The following SLC39A11 variants were observed in gnomAD, a reference collection of about 807,000 sequenced individuals.
The protein encoded by SLC39A11 is zinc transporter ZIP11.
SLC39A11 carries 33 observed loss-of-function variants against 36.1 expected under a neutral mutation model. That is an observed-to-expected ratio of 0.91 (90% CI 0.69 to 1.22). SLC39A11 has a LOEUF of 1.22. Among genes scored for constraint, SLC39A11 ranks in the 50% most tolerant of loss-of-function variants. The probability of loss-of-function intolerance (pLI) is 0.00; values close to 1 mark genes in which losing one functional copy is unlikely to be tolerated. For missense variants in SLC39A11, 432 were observed against 430.3 expected (o/e 1.00, Z -0.03); for synonymous variants, 166 against 170.3 (o/e 0.97, Z 0.20).
chr17:72,951,335 A>T (rs1598558134), intron 4 of SLC39A11, among the ~76,000 whole-genome samples: 1 of 151,482 alleles, frequency 6.6e-6, no homozygotes, highest in Non-Finnish European at 1.5e-5. Context: ...AAGAGTTACG[A>T]TGATCAATCA....
chr17:72,991,816 T>G (rs1164890597), intron 4 of SLC39A11, among the ~76,000 whole-genome samples: 1 of 152,264 alleles, frequency 6.6e-6, no homozygotes, highest in Non-Finnish European at 1.5e-5. Context: ...CAGGGTTCCC[T>G]GTGTACATTC....
intron 4 of SLC39A11, among the ~76,000 whole-genome samples, chr17:73,001,419 G>C (rs912314549): frequency 9.3e-6 from 1 of 107,216 alleles, no homozygotes; most frequent in African/African-American, 3.6e-5. Flanking sequence ...GTTGTGGGGT[G>C]GGGGGAGGGG....
intron 4 of SLC39A11, among the ~76,000 whole-genome samples, chr17:73,007,289 C>T (rs1421651812): frequency 6.6e-6 from 1 of 152,132 alleles, no homozygotes; most frequent in Non-Finnish European, 1.5e-5. Flanking sequence ...GGCGTGGTGG[C>T]ACATGCCTAT....
chr17:72,938,197 T>C (rs1905345548), intron 5 of SLC39A11, among the ~76,000 whole-genome samples: 1 of 152,148 alleles, frequency 6.6e-6, no homozygotes, highest in South Asian at 2.1e-4. Context: ...AATGCTAGCA[T>C]ACCTGCCACC....
At chr17:72,853,421 A>G (rs1011821515) in intron 5 of SLC39A11, among the ~76,000 whole-genome samples, 1 of 151,924 alleles carries the variant, frequency 6.6e-6, no homozygotes, top group Non-Finnish European at 1.5e-5. Context: ...TCTAACAATC[A>G]CCGACAGTTG....
chr17:72,999,256 T>G (rs577227226), intron 4 of SLC39A11, among the ~76,000 whole-genome samples: 1 of 152,378 alleles, frequency 6.6e-6, no homozygotes, highest in Admixed American at 6.5e-5. Flanking sequence ...ACTTTTTAAC[T>G]GTCTCTCATT....
intron 5 of SLC39A11, among the ~76,000 whole-genome samples, chr17:72,920,051 G>A (rs60790681): frequency 0.032 from 4,946 of 152,252 alleles, 239 homozygotes; most frequent in African/African-American, 0.11. Context: ...TTCGGCTGGT[G>A]TGGCCGTTTT....
intron 9 of SLC39A11, 117 bp downstream of exon 9, chr17:72,648,686 G>C: frequency 1.6e-6 from 2 of 1,248,874 alleles, no homozygotes; most frequent in Non-Finnish European, 1.1e-6. Context: ...CTTGGGAAGG[G>C]GCAGAGAGGG....
chr17:72,884,365 T>C (rs138023480), intron 5 of SLC39A11, among the ~76,000 whole-genome samples: 259 of 152,306 alleles, frequency 1.7e-3, no homozygotes, highest in Non-Finnish European at 2.9e-3. Context: ...AGAGCGTTCA[T>C]CCCTTCCATT....
intron 7 of SLC39A11, among the ~76,000 whole-genome samples, chr17:72,716,153 G>A (rs1332692023): frequency 6.6e-6 from 1 of 151,962 alleles, no homozygotes; most frequent in African/African-American, 2.4e-5. Context: ...GCAGGCATGA[G>A]GTCATACAAG....
At chr17:72,769,987 C>A (rs1245285213) in intron 6 of SLC39A11, among the ~76,000 whole-genome samples, 2 of 152,162 alleles carry the variant, frequency 1.3e-5, no homozygotes, top group Non-Finnish European at 2.9e-5. Flanking sequence ...CCAGACTGAA[C>A]CAATATACCT....
Position 72,905,332 on chromosome 17 carries a change from A to G in SLC39A11, c.430+42420T>C, listed in dbSNP as rs577909328. ...GTGTCTAGGCCAGGCACAGTGGCTC[A>G]CACCTGTACTCCCAGCAATTTGGGA... On this transcript the variant is annotated intron_variant, in intron 5 of 9. Transcript: ENST00000255559. Among the ~76,000 whole-genome samples, 4 of 149,528 alleles carry G rather than the reference A, an allele frequency of 2.7e-5. No homozygotes were observed. In the South Asian group the frequency reaches 8.5e-4, roughly 32 times the overall value.
chr17:72,808,131 G>T (rs2077321619), intron 6 of SLC39A11, among the ~76,000 whole-genome samples: 1 of 152,172 alleles, frequency 6.6e-6, no homozygotes, highest in Non-Finnish European at 1.5e-5. Flanking sequence ...CTTATCACTG[G>T]TCATATTTAA....
intron 5 of SLC39A11, among the ~76,000 whole-genome samples, chr17:72,926,701 A>C (rs1229718796): frequency 6.6e-6 from 1 of 152,070 alleles, no homozygotes; most frequent in Non-Finnish European, 1.5e-5. Context: ...CTCGTTTGCC[A>C]GATGAGTTCT....
At position 72,846,018 on chromosome 17, in the gene SLC39A11, C is replaced by CTTTTTTTTTTTTT. The variant is rs569100122; in HGVS notation, c.601+3603_601+3615dup. On this transcript the variant is annotated intron_variant, in intron 6 of 9. Coordinates refer to ENST00000255559, the MANE Select transcript of SLC39A11 (RefSeq NM_139177.4). ...CCAATGAATCTCTCTCTCTCTCTCT[C>CTTTTTTTTTTTTT]TTTTTTTTTTTTTTTTTTTTTTTTT... Among the ~76,000 whole-genome samples the CTTTTTTTTTTTTT allele has an allele frequency of 1.9e-3, 109 of 57,954 alleles. 21 individuals are homozygous for CTTTTTTTTTTTTT. Among genetic ancestry groups the CTTTTTTTTTTTTT allele is most frequent in the Non-Finnish European group, 2.2e-3 (78 of 35,230 alleles). 38.0% of individuals were successfully genotyped at this position (57,954 alleles called of 152,430 possible). A position where few individuals can be genotyped will look rare whatever the true frequency, so the allele number is the denominator to read the frequency against.
At chr17:72,948,135 GA>G (rs1164997663) in intron 4 of SLC39A11, among the ~76,000 whole-genome samples, 3 of 152,116 alleles carry the variant, frequency 2.0e-5, no homozygotes, top group Non-Finnish European at 4.4e-5. Flanking sequence ...TAAAAATGGG[GA>G]AAATATATAC....
At chr17:72,746,662 C>A (rs2074950639) in intron 6 of SLC39A11, among the ~76,000 whole-genome samples, 1 of 152,074 alleles carries the variant, frequency 6.6e-6, no homozygotes, top group Non-Finnish European at 1.5e-5. Context: ...GGTGTGAACC[C>A]AGGAGGCGGA....
At chr17:72,910,950 A>G (rs2082959509) in intron 5 of SLC39A11, among the ~76,000 whole-genome samples, 1 of 146,636 alleles carries the variant, frequency 6.8e-6, no homozygotes, top group South Asian at 2.1e-4. Flanking sequence ...AAAAAAAAAG[A>G]GTGTTCTTTG....
intron 6 of SLC39A11, among the ~76,000 whole-genome samples, chr17:72,829,429 C>T (rs1039849947): frequency 4.0e-5 from 6 of 151,726 alleles, no homozygotes; most frequent in Admixed American, 2.0e-4. Flanking sequence ...AGATGGGAGC[C>T]GGTGATCAGT....
Sources: gnomAD v4.1 joint callset for allele counts (sites outside exome capture counted in the v4.1 genomes callset) on GRCh38, gnomAD v4.1.1 for gene constraint, MANE v1.5 for transcripts, NCBI Gene and HGNC (gene_info 2026-07-23, HGNC 2026-07-21) for gene names.